Variants in PACRG observed in about 807,000 individuals in gnomAD.
The protein encoded by PACRG is parkin coregulated gene protein.
Under a neutral mutation model 29.7 loss-of-function variants are expected in PACRG, and 29 were observed. That is an observed-to-expected ratio of 0.98 (90% CI 0.73 to 1.33). The LOEUF is 1.33. Among genes scored for constraint, PACRG ranks in the 40% most tolerant of loss-of-function variants. PACRG has a pLI of 0.00. For synonymous variants in PACRG, 116 were observed against 118.7 expected (o/e 0.98, Z 0.15); for missense variants, 279 against 316.2 (o/e 0.88, Z 0.89).
intron 2 of PACRG, among the ~76,000 whole-genome samples, chr6:163,061,303 C>G (rs1811079430): frequency 6.6e-6 from 1 of 152,310 alleles, no homozygotes; most frequent in African/African-American, 2.4e-5. Flanking sequence ...GTACCCTGGA[C>G]AGTGGAGGGC....
At chr6:162,815,229 G>A (rs1787231902) in intron 2 of PACRG, among the ~76,000 whole-genome samples, 1 of 152,026 alleles carries the variant, frequency 6.6e-6, no homozygotes, top group Non-Finnish European at 1.5e-5. Flanking sequence ...TAACTGGGAA[G>A]TCCAGCAGTC....
chr6:162,791,803 G>A (rs2128327468), intron 1 of PACRG, among the ~76,000 whole-genome samples: 1 of 152,280 alleles, frequency 6.6e-6, no homozygotes, highest in Middle Eastern at 3.4e-3. Flanking sequence ...AAACAGGGCA[G>A]TCATGGAACG....
chr6:162,877,663 G>A (rs1793485878), intron 2 of PACRG, among the ~76,000 whole-genome samples: 1 of 151,882 alleles, frequency 6.6e-6, no homozygotes, highest in Non-Finnish European at 1.5e-5. Flanking sequence ...AATTCAGGAG[G>A]CTTCAGTCAG....
intron 1 of PACRG, among the ~76,000 whole-genome samples, chr6:162,740,316 CTT>C (rs71008106): frequency 6.8e-6 from 1 of 146,456 alleles, no homozygotes; most frequent in African/African-American, 2.5e-5. Context: ...TATCAATCAT[CTT>C]TTTTTTTTTT....
chr6:163,014,842 C>T (rs967972833), intron 2 of PACRG, among the ~76,000 whole-genome samples: 2 of 152,060 alleles, frequency 1.3e-5, no homozygotes, highest in Admixed American at 1.3e-4. Context: ...TGCAGAAGCT[C>T]CTTAGTTTAA....
chr6:163,303,687 G>GTTC (rs1188519260), intron 4 of PACRG, among the ~76,000 whole-genome samples: 1 of 152,008 alleles, frequency 6.6e-6, no homozygotes, highest in African/African-American at 2.4e-5. Flanking sequence ...AATCCGATAT[G>GTTC]TTCTTCTTCT....
chr6:163,003,084 T>A (rs2128201142), intron 2 of PACRG, among the ~76,000 whole-genome samples: 1 of 152,332 alleles, frequency 6.6e-6, no homozygotes, highest in East Asian at 1.9e-4. Flanking sequence ...TTGCCTAGTT[T>A]TCTTCATTCT....
intron 2 of PACRG, among the ~76,000 whole-genome samples, chr6:162,954,464 G>T (rs530879935): frequency 5.9e-5 from 9 of 151,266 alleles, no homozygotes; most frequent in East Asian, 1.9e-4. Flanking sequence ...TGGCCTAAAG[G>T]TTCTCAATTT....
intron 2 of PACRG, among the ~76,000 whole-genome samples, chr6:163,056,968 G>T (rs1425883229): frequency 6.6e-6 from 1 of 152,162 alleles, no homozygotes; most frequent in East Asian, 1.9e-4. Flanking sequence ...AATGAGGGAG[G>T]TTCACAGGCT....
At chr6:163,010,881 G>A (rs751324447) in intron 2 of PACRG, among the ~76,000 whole-genome samples, 77 of 152,192 alleles carry the variant, frequency 5.1e-4, no homozygotes, top group Non-Finnish European at 9.7e-4. Context: ...CTGAGCGCGG[G>A]CCCCTCCAGA....
intron 4 of PACRG, among the ~76,000 whole-genome samples, chr6:163,260,858 C>T (rs980615110): frequency 1.3e-5 from 2 of 152,116 alleles, no homozygotes; most frequent in African/African-American, 2.4e-5. Context: ...GGGGACACAG[C>T]GTGTTGGCCA....
At chr6:162,885,081 T>C (rs548226682) in intron 2 of PACRG, among the ~76,000 whole-genome samples, 1 of 152,138 alleles carries the variant, frequency 6.6e-6, no homozygotes. Context: ...ACCATCGTCA[T>C]AATACCATAA....
intron 4 of PACRG, among the ~76,000 whole-genome samples, chr6:163,110,817 C>A (rs1261196343): frequency 6.6e-6 from 1 of 152,178 alleles, no homozygotes; most frequent in East Asian, 1.9e-4. Flanking sequence ...CTTGAAAGGG[C>A]CATGGTATGG....
intron 2 of PACRG, among the ~76,000 whole-genome samples, chr6:163,008,178 A>G (rs1421828310): frequency 1.3e-5 from 2 of 152,074 alleles, no homozygotes; most frequent in African/African-American, 4.8e-5. Context: ...CCTAACGCAA[A>G]TGCACACTCA....
intron 2 of PACRG, among the ~76,000 whole-genome samples, chr6:162,928,721 A>G (rs575124429): frequency 6.6e-6 from 1 of 151,952 alleles, no homozygotes; most frequent in South Asian, 2.1e-4. Flanking sequence ...TTCTTCTATC[A>G]TATTGTATAT....
intron 2 of PACRG, among the ~76,000 whole-genome samples, chr6:162,881,816 C>T (rs1793874645): frequency 6.6e-6 from 1 of 150,832 alleles, no homozygotes; most frequent in Non-Finnish European, 1.5e-5. Context: ...GGGGTGCTTT[C>T]CACCAAGACC....
At chr6:162,906,978 C>T (rs1421978187) in intron 2 of PACRG, among the ~76,000 whole-genome samples, 2 of 152,148 alleles carry the variant, frequency 1.3e-5, no homozygotes, top group African/African-American at 4.8e-5. Context: ...CAAATGTGGG[C>T]TTCATCAGTG....
At chr6:162,966,207 A>G (rs959389952) in intron 2 of PACRG, among the ~76,000 whole-genome samples, 3 of 152,244 alleles carry the variant, frequency 2.0e-5, no homozygotes, top group Admixed American at 6.5e-5. Flanking sequence ...TTATTTCCTA[A>G]GACATCTTTA....
intron 1 of PACRG, among the ~76,000 whole-genome samples, chr6:162,797,392 G>T (rs1376145188): frequency 1.3e-5 from 2 of 152,196 alleles, no homozygotes; most frequent in Non-Finnish European, 2.9e-5. Flanking sequence ...TATGAATCTT[G>T]CAGGTGCTTA....
Sources: allele counts gnomAD v4.1 joint callset (sites outside exome capture counted in the v4.1 genomes callset), GRCh38; gene constraint gnomAD v4.1.1; transcripts MANE v1.5; gene names NCBI Gene and HGNC (gene_info 2026-07-23, HGNC 2026-07-21).